The following ACTR3C variants were observed in gnomAD, a reference collection of about 807,000 sequenced individuals.
The protein encoded by ACTR3C is actin-related protein 3C.
In ACTR3C, 18 loss-of-function variants were observed where a neutral mutation model predicts 26.3. The observed-to-expected ratio is 0.68, with a 90% CI of 0.47 to 1.01. The LOEUF (loss-of-function observed/expected upper bound fraction) is 1.01. ACTR3C is among the 50% of genes least tolerant of loss of function. ACTR3C has a pLI of 0.00. For missense variants in ACTR3C, 184 were observed against 250.7 expected (o/e 0.73, Z 1.80); for synonymous variants, 55 against 94.5 (o/e 0.58, Z 2.42).
chr7:149,931,123 C>T, the ACTR3C span, among the ~76,000 whole-genome samples: 1,324 of 152,346 alleles, frequency 8.7e-3, 9 homozygotes, highest in South Asian at 0.013. Flanking sequence ...GCCTCAGACT[C>T]CCAAATTGCT....
the ACTR3C span, among the ~76,000 whole-genome samples, chr7:150,029,419 A>AC: frequency 1.2e-4 from 2 of 16,394 alleles, no homozygotes; most frequent in Non-Finnish European, 1.8e-4. Flanking sequence ...AAAAAAAAAC[A>AC]AACAAAAAAA....
chr7:150,271,316 C>A (rs894229804), intron 6 of ACTR3C, among the ~76,000 whole-genome samples: 30 of 149,414 alleles, frequency 2.0e-4, no homozygotes, highest in Non-Finnish European at 3.7e-4. Context: ...TTAGGTATCT[C>A]TCCTAATGCT....
chr7:149,994,381 T>C, the ACTR3C span, among the ~76,000 whole-genome samples: 7 of 152,114 alleles, frequency 4.6e-5, no homozygotes. Context: ...GCGGATCACC[T>C]GAGGTCAGGA....
chr7:150,258,031 G>T (rs1833347397), intron 6 of ACTR3C, among the ~76,000 whole-genome samples: 1 of 152,234 alleles, frequency 6.6e-6, no homozygotes, highest in Non-Finnish European at 1.5e-5. Context: ...GGCCCACAGG[G>T]ACTTGAGGAG....
chr7:150,026,742 T>C, the ACTR3C span, among the ~76,000 whole-genome samples: 1 of 152,096 alleles, frequency 6.6e-6, no homozygotes, highest in Non-Finnish European at 1.5e-5. Context: ...CATTAATTAA[T>C]TATGTCATTC....
the ACTR3C span, among the ~76,000 whole-genome samples, chr7:150,124,462 A>G: frequency 6.6e-6 from 1 of 152,136 alleles, no homozygotes; most frequent in African/African-American, 2.4e-5. Context: ...TGTTAGCTGG[A>G]TCGCATTTCC....
chr7:150,177,457 T>C, the ACTR3C span, among the ~76,000 whole-genome samples: 3 of 150,818 alleles, frequency 2.0e-5, no homozygotes, highest in Non-Finnish European at 4.4e-5. Context: ...ATGATAGTTG[T>C]CACTACCTCA....
the ACTR3C span, among the ~76,000 whole-genome samples, chr7:150,055,493 T>G: frequency 0.54 from 67,288 of 124,136 alleles, 15,167 homozygotes; most frequent in East Asian, 0.64. Flanking sequence ...GGGAGGGAGT[T>G]TTTTTTTTTT....
the ACTR3C span, among the ~76,000 whole-genome samples, chr7:150,059,113 C>A: frequency 1.3e-5 from 2 of 152,316 alleles, no homozygotes; most frequent in African/African-American, 4.8e-5. Context: ...GTAGGACATA[C>A]TGCACACCTG....
chr7:150,105,472 T>C, the ACTR3C span, among the ~76,000 whole-genome samples: 2 of 151,980 alleles, frequency 1.3e-5, no homozygotes, highest in Non-Finnish European at 2.9e-5. Context: ...TTTGTTTTTA[T>C]CAGTGGCTAC....
At chr7:150,113,024 A>G in the ACTR3C span, among the ~76,000 whole-genome samples, 4 of 152,242 alleles carry the variant, frequency 2.6e-5, no homozygotes, top group Non-Finnish European at 5.9e-5. Context: ...ACACCTGCAT[A>G]CTGAACTCTA....
At chr7:150,018,812 T>C in the ACTR3C span, among the ~76,000 whole-genome samples, 1 of 150,424 alleles carries the variant, frequency 6.6e-6, no homozygotes. Context: ...TCTCCCCATA[T>C]TGTTCGTATC....
chr7:150,126,974 A>G, the ACTR3C span, among the ~76,000 whole-genome samples: 1 of 152,248 alleles, frequency 6.6e-6, no homozygotes, highest in African/African-American at 2.4e-5. Flanking sequence ...CTAAAAATGA[A>G]CAGTGCAAAA....
At chr7:150,292,434 C>T (rs1210384878) in intron 3 of ACTR3C, among the ~76,000 whole-genome samples, 1 of 151,910 alleles carries the variant, frequency 6.6e-6, no homozygotes, top group Non-Finnish European at 1.5e-5. Context: ...TTCTCTGAAA[C>T]CAAAAAGTGG....
chr7:150,299,655 G>A (rs1360573308), intron 1 of ACTR3C, among the ~76,000 whole-genome samples: 4 of 151,818 alleles, frequency 2.6e-5, no homozygotes, highest in African/African-American at 9.7e-5. Flanking sequence ...GCGTGGTGGT[G>A]CACGCCTGTA....
chr7:150,026,282 C>A, the ACTR3C span, among the ~76,000 whole-genome samples: 5 of 151,964 alleles, frequency 3.3e-5, no homozygotes, highest in Non-Finnish European at 7.4e-5. Context: ...ATCATTCCAC[C>A]TTTATCAGCA....
the ACTR3C span, among the ~76,000 whole-genome samples, chr7:150,017,196 T>C: frequency 1.3e-5 from 2 of 151,868 alleles, no homozygotes; most frequent in East Asian, 3.8e-4. Flanking sequence ...TCCTTCTCCA[T>C]GCAAAGTGAC....
At chr7:149,903,853 C>T in the ACTR3C span, among the ~76,000 whole-genome samples, 7 of 102,464 alleles carry the variant, frequency 6.8e-5, no homozygotes, top group Middle Eastern at 4.3e-3. Context: ...CCTCTGTGTA[C>T]GAGTGTAAGG....
At position 150,321,367 on chromosome 7, in the gene ACTR3C, A is replaced by G. The variant is rs539382263; in HGVS notation, c.-52+2102T>C. ...ATTTCCTACTGTAACATGCTGTGTG[A>G]GTCTCAATTTTCTGATCCATATAAT... On this transcript the variant is annotated intron_variant, in intron 1 of 7. Coordinates refer to ENST00000683684, the MANE Select transcript of ACTR3C (RefSeq NM_001164458.2). Among the ~76,000 whole-genome samples, 8 of 152,306 alleles carry G rather than the reference A, an allele frequency of 5.3e-5. No individual in the cohort carries two copies. The South Asian group carries it at 1.7e-3, about 32-fold the overall frequency.
Sources: gnomAD v4.1 joint callset for allele counts (sites outside exome capture counted in the v4.1 genomes callset) on GRCh38, gnomAD v4.1.1 for gene constraint, MANE v1.5 for transcripts, NCBI Gene and HGNC (gene_info 2026-07-23, HGNC 2026-07-21) for gene names.